TTC27: variants seen among roughly 807,000 people sequenced by gnomAD.
TTC27 encodes tetratricopeptide repeat protein 27.
In TTC27, 79 loss-of-function variants were observed where a neutral mutation model predicts 115.9. That is an observed-to-expected ratio of 0.68 (90% CI 0.57 to 0.82). TTC27 has a LOEUF of 0.82. Among genes scored for constraint, TTC27 ranks in the 40% least tolerant of loss-of-function variants. The probability of loss-of-function intolerance (pLI) is 0.00; values close to 1 mark genes in which losing one functional copy is unlikely to be tolerated. For missense variants in TTC27, 1,054 were observed against 993.1 expected (o/e 1.06, Z -0.82); for synonymous variants, 401 against 356.0 (o/e 1.13, Z -1.42).
chr2:32,712,210 G>A (rs1356176132), intron 10 of TTC27, among the ~76,000 whole-genome samples: 1 of 152,134 alleles, frequency 6.6e-6, no homozygotes, highest in Non-Finnish European at 1.5e-5. Flanking sequence ...AAAAGAAAAT[G>A]TTTAATCACA....
chr2:32,645,626 G>A (rs1399954157), intron 4 of TTC27, among the ~76,000 whole-genome samples: 3 of 151,924 alleles, frequency 2.0e-5, no homozygotes, highest in Non-Finnish European at 4.4e-5. Context: ...GTATACATGT[G>A]CCATGTTGGT....
intron 16 of TTC27, among the ~76,000 whole-genome samples, chr2:32,791,938 A>G (rs1396811711): frequency 6.6e-6 from 1 of 152,188 alleles, no homozygotes; most frequent in African/African-American, 2.4e-5. Context: ...AACTACATGT[A>G]TTCTTATGTA....
intron 7 of TTC27, among the ~76,000 whole-genome samples, chr2:32,669,057 C>T (rs897855718): frequency 6.6e-6 from 1 of 150,898 alleles, no homozygotes. Flanking sequence ...CCAGGCTGGG[C>T]GACAGAGTGA....
chr2:32,764,926 A>C (rs1444398817), intron 13 of TTC27, among the ~76,000 whole-genome samples: 1 of 152,192 alleles, frequency 6.6e-6, no homozygotes, highest in Non-Finnish European at 1.5e-5. Context: ...GCTCCCTTCT[A>C]ATTATAGTTC....
chr2:32,642,982 G>A (rs953510294), intron 4 of TTC27, among the ~76,000 whole-genome samples: 5 of 150,244 alleles, frequency 3.3e-5, no homozygotes, highest in Non-Finnish European at 7.4e-5. Context: ...AAAGGTTTTT[G>A]TTTTTGAGAC....
At chr2:32,812,873 T>G (rs1435694911) in intron 18 of TTC27, among the ~76,000 whole-genome samples, 2 of 152,244 alleles carry the variant, frequency 1.3e-5, no homozygotes, top group Admixed American at 1.3e-4. Flanking sequence ...TTTTTAGAGA[T>G]GTGAAACATC....
At chr2:32,635,892 T>A (rs976095764) in intron 3 of TTC27, among the ~76,000 whole-genome samples, 4 of 152,200 alleles carry the variant, frequency 2.6e-5, no homozygotes, top group Non-Finnish European at 4.4e-5. Context: ...TCCATAATGC[T>A]GATCCTAATT....
At chr2:32,780,535 G>A (rs1480491061) in intron 14 of TTC27, among the ~76,000 whole-genome samples, 1 of 152,132 alleles carries the variant, frequency 6.6e-6, no homozygotes, top group African/African-American at 2.4e-5. Flanking sequence ...CGCCTCCCAG[G>A]TTCAAGCAAT....
chr2:32,655,122 G>T (rs568672773), intron 5 of TTC27, among the ~76,000 whole-genome samples: 1 of 151,752 alleles, frequency 6.6e-6, no homozygotes, highest in East Asian at 1.9e-4. Flanking sequence ...TCAAGCAGCT[G>T]GGACTATGGG....
intron 9 of TTC27, among the ~76,000 whole-genome samples, chr2:32,697,739 T>A (rs949890056): frequency 2.0e-5 from 3 of 151,682 alleles, no homozygotes; most frequent in Admixed American, 2.0e-4. Context: ...GAATTCAAGC[T>A]AGTTTAGGAA....
chr2:32,663,866 G>T (rs1045479564), intron 5 of TTC27, among the ~76,000 whole-genome samples: 1 of 152,008 alleles, frequency 6.6e-6, no homozygotes, highest in African/African-American at 2.4e-5. Flanking sequence ...TGTATCTTTA[G>T]TAGAGATGGG....
At chr2:32,786,629 A>G (rs1670357507) in intron 15 of TTC27, among the ~76,000 whole-genome samples, 1 of 152,146 alleles carries the variant, frequency 6.6e-6, no homozygotes, top group East Asian at 1.9e-4. Context: ...TTTGTCTTAC[A>G]GGTTTGCAAT....
At chr2:32,754,911 G>GCCGGGCGGGGATGCTCCTCACTTC (rs1669161957) in intron 12 of TTC27, among the ~76,000 whole-genome samples, 1 of 151,410 alleles carries the variant, frequency 6.6e-6, no homozygotes, top group Non-Finnish European at 1.5e-5. Flanking sequence ...CGGGGTGGCT[G>GCCGGGCGGGGATGCTCCTCACTTC]CCGGGCGGGG....
rs375888044 is a variant in TTC27, at chr2:32,680,313, G to A, written c.1119+1391G>A. Among the ~76,000 whole-genome samples, 8 of 152,242 alleles carry A rather than the reference G, an allele frequency of 5.3e-5. No individual in the cohort carries two copies. In the East Asian group the frequency reaches 1.2e-3, roughly 22 times the overall value. ...TATGTACTTTTCATTTATTCATTCA[G>A]CTAATATATATCTACTAAATAATAT... On this transcript the variant is annotated intron_variant, in intron 9 of 19. Coordinates refer to ENST00000317907, the MANE Select transcript of TTC27 (RefSeq NM_017735.5).
intron 9 of TTC27, among the ~76,000 whole-genome samples, chr2:32,687,372 C>G (rs994536700): frequency 6.6e-6 from 1 of 152,092 alleles, no homozygotes; most frequent in Non-Finnish European, 1.5e-5. Context: ...AAAATATATT[C>G]AGATTATCTA....
chr2:32,646,615 G>T (rs1182207256), intron 4 of TTC27, among the ~76,000 whole-genome samples: 1 of 142,610 alleles, frequency 7.0e-6, no homozygotes, highest in Non-Finnish European at 1.5e-5. Context: ...CCAGGCTGGA[G>T]TGCAGTGGCG....
intron 7 of TTC27, among the ~76,000 whole-genome samples, 180 bp downstream of exon 7, chr2:32,666,948 C>A (rs1665800663): frequency 1.5e-5 from 2 of 133,754 alleles, no homozygotes. Context: ...TTTTTCCTAA[C>A]CTGTGATAGA....
At chr2:32,782,725 G>T in intron 15 of TTC27, 47 bp downstream of exon 15, 1 of 1,463,180 alleles carries the variant, frequency 6.8e-7, no homozygotes, top group Admixed American at 1.7e-5. Flanking sequence ...CCAAATAAAT[G>T]AATGAGATTT....
chr2:32,715,914 G>A (rs1232000372), intron 10 of TTC27, among the ~76,000 whole-genome samples: 1 of 151,042 alleles, frequency 6.6e-6, no homozygotes, highest in African/African-American at 2.4e-5. Flanking sequence ...GCAGGAATTA[G>A]ATGTAACACC....
Sources: gnomAD v4.1 joint callset for allele counts (sites outside exome capture counted in the v4.1 genomes callset) on GRCh38, gnomAD v4.1.1 for gene constraint, MANE v1.5 for transcripts, NCBI Gene and HGNC (gene_info 2026-07-23, HGNC 2026-07-21) for gene names.